Variants in PLCB1 observed in about 807,000 individuals in gnomAD.
The protein encoded by PLCB1 is 1-phosphatidylinositol 4,5-bisphosphate phosphodiesterase beta-1.
In PLCB1, 46 loss-of-function variants were observed where a neutral mutation model predicts 161.8. The ratio of observed to expected loss-of-function variants is 0.28; its 90% CI spans 0.22 to 0.36. PLCB1 has a LOEUF of 0.36. Ranked by LOEUF, PLCB1 falls within the 10% of genes least tolerant of loss-of-function variation. PLCB1 has a pLI of 1.00. For synonymous variants in PLCB1, 517 were observed against 503.7 expected, an observed-to-expected ratio of 1.03 and a Z score of -0.35; for missense variants, 1,016 against 1,472.5, an observed-to-expected ratio of 0.69 and a Z score of 5.07.
chr20:8,255,811 G>C (rs1981379347), intron 2 of PLCB1, among the ~76,000 whole-genome samples: 1 of 151,744 alleles, frequency 6.6e-6, no homozygotes, highest in African/African-American at 2.4e-5. Context: ...AAATATTCTG[G>C]GGGTTATTTT....
At chr20:8,490,089 C>T (rs1373063332) in intron 3 of PLCB1, among the ~76,000 whole-genome samples, 1 of 152,134 alleles carries the variant, frequency 6.6e-6, no homozygotes, top group Non-Finnish European at 1.5e-5. Flanking sequence ...TCATATTTGT[C>T]AAAATATTTG....
At chr20:8,319,651 C>T (rs753345529) in intron 2 of PLCB1, among the ~76,000 whole-genome samples, 18 of 152,036 alleles carry the variant, frequency 1.2e-4, no homozygotes, top group Non-Finnish European at 2.2e-4. Context: ...TATTCACAAG[C>T]TGACTTGGAA....
rs1341193898 is a variant in PLCB1, at chr20:8,147,851, C to CCTAAAT, written c.100-2442_100-2437dup. On this transcript the variant is annotated intron_variant, in intron 1 of 31. Transcript: ENST00000338037. Reference sequence around the variant, plus strand: ...AAACTAGGCAGCATAGAACAGTGTTCCTAAATATAAATTTTGAAAAGTTTT... The same window carrying CCTAAAT: ...AAACTAGGCAGCATAGAACAGTGTTCCTAAATCTAAATATAAATTTTGAAAAGTTTT... Among the ~76,000 whole-genome samples the CCTAAAT allele has an allele frequency of 4.6e-5, 7 of 151,198 alleles. No individual in the cohort carries two copies. In the Admixed American group the frequency reaches 4.6e-4, roughly 10 times the overall value.
chr20:8,568,746 A>G (rs6086504), intron 3 of PLCB1, among the ~76,000 whole-genome samples: 45,545 of 151,978 alleles, frequency 0.3, 7,490 homozygotes, highest in Non-Finnish European at 0.37. Context: ...CACTAAAGTA[A>G]ATCTCATTTG....
At chr20:8,269,260 G>A (rs577455974) in intron 2 of PLCB1, among the ~76,000 whole-genome samples, 1 of 151,956 alleles carries the variant, frequency 6.6e-6, no homozygotes, top group Non-Finnish European at 1.5e-5. Context: ...ACAGGCCCCG[G>A]TCTGTGATGT....
intron 31 of PLCB1, among the ~76,000 whole-genome samples, chr20:8,800,151 G>A (rs1056159844): frequency 3.9e-5 from 6 of 152,204 alleles, no homozygotes; most frequent in Admixed American, 2.6e-4. Context: ...GAGGGCAAAT[G>A]CAGGCATACT....
rs2122343551 is a variant in PLCB1, at chr20:8,371,393, A to G, written c.189A>G (p.Leu63=). ...TTTTTGCCTTCCAGGAGACAGAGCTACTGGATCTCAGCCTTGTCAAAGATG... is the reference window on the plus strand; with the variant it reads ...TTTTTGCCTTCCAGGAGACAGAGCTGCTGGATCTCAGCCTTGTCAAAGATG... ...YWTDQNKETE[L]LDLSLVKDAR... Residue 63 remains leucine, a synonymous_variant, in exon 3 of 32, where the codon CTA becomes CTG. Transcript: ENST00000338037. 1.2e-6 allele frequency: 2 copies of G among 1,612,676 alleles called. No individual in the cohort carries two copies. Among genetic ancestry groups the G allele is most frequent in the South Asian group, 2.2e-5 (2 of 90,942 alleles).
At chr20:8,165,829 A>G (rs1239999089) in intron 2 of PLCB1, among the ~76,000 whole-genome samples, 3 of 152,122 alleles carry the variant, frequency 2.0e-5, no homozygotes, top group Admixed American at 6.6e-5. Flanking sequence ...TACTCTTAGC[A>G]GTTTATGTGA....
At chr20:8,694,607 A>G (rs1252293340) in intron 10 of PLCB1, among the ~76,000 whole-genome samples, 1 of 152,218 alleles carries the variant, frequency 6.6e-6, no homozygotes, top group Admixed American at 6.5e-5. Context: ...TGAACCTCTT[A>G]TTACAGAATG....
intron 3 of PLCB1, among the ~76,000 whole-genome samples, chr20:8,571,080 G>T (rs1039051203): frequency 4.6e-5 from 7 of 152,358 alleles, no homozygotes; most frequent in African/African-American, 7.2e-5. Flanking sequence ...ATGTAAAACT[G>T]TGGAGACAAT....
intron 3 of PLCB1, among the ~76,000 whole-genome samples, chr20:8,553,971 C>T (rs1985864116): frequency 6.6e-6 from 1 of 151,944 alleles, no homozygotes; most frequent in African/African-American, 2.4e-5. Context: ...TACTGTTCTC[C>T]AGCCTGGGCA....
rs940475961 is a variant in PLCB1 at position 8,370,807 on chromosome 20, G to T, written c.178-575G>T. ...TTTGATGACAGGTCCATCCAGGAAA[G>T]CAATCATATCTTCTATGCCTTATTC... is the stretch of plus-strand genomic sequence containing the variant. On this transcript the variant is annotated intron_variant, in intron 2 of 31. Transcript: ENST00000338037. Among the ~76,000 whole-genome samples, 4 of 152,166 alleles carry T rather than the reference G, an allele frequency of 2.6e-5. No individual in the cohort carries two copies. In the East Asian group the frequency reaches 7.7e-4, roughly 29 times the overall value.
chr20:8,203,705 A>G (rs1978367163), intron 2 of PLCB1, among the ~76,000 whole-genome samples: 1 of 152,174 alleles, frequency 6.6e-6, no homozygotes. Flanking sequence ...GATAAGTGAG[A>G]TGCAGGGAGA....
chr20:8,607,832 T>C (rs1163869860), intron 3 of PLCB1, among the ~76,000 whole-genome samples: 2 of 152,216 alleles, frequency 1.3e-5, no homozygotes, highest in African/African-American at 2.4e-5. Flanking sequence ...ATAGTCAGAA[T>C]GATTTTAAAA....
In PLCB1 at chr20:8,411,777, G is replaced by A. The variant is rs575640107; in HGVS notation, c.246+40327G>A. On this transcript the variant is annotated intron_variant, in intron 3 of 31. Transcript: ENST00000338037. ...GGTGGCTCACTCCTGAAGTCCCAGC[G>A]CTTTGGGAGGCCAAGGCCAGTGGAT... Among the ~76,000 whole-genome samples the A allele has an allele frequency of 7.2e-5, 11 of 152,226 alleles. No individual in the cohort carries two copies. In the East Asian group the frequency reaches 1.2e-3, roughly 16 times the overall value.
At chr20:8,258,062 C>G (rs1234053034) in intron 2 of PLCB1, among the ~76,000 whole-genome samples, 1 of 152,074 alleles carries the variant, frequency 6.6e-6, no homozygotes. Context: ...TAGATTTACT[C>G]AAGTTTACAC....
At chr20:8,435,930 A>G (rs1980280308) in intron 3 of PLCB1, among the ~76,000 whole-genome samples, 3 of 152,204 alleles carry the variant, frequency 2.0e-5, no homozygotes, top group Admixed American at 2.0e-4. Context: ...AGGCATCTTT[A>G]AGGATAGATT....
At chr20:8,650,577 A>G (rs921633250) in intron 7 of PLCB1, among the ~76,000 whole-genome samples, 3 of 152,126 alleles carry the variant, frequency 2.0e-5, no homozygotes, top group African/African-American at 7.2e-5. Context: ...ATTTTCTTCT[A>G]CCCTACCACT....
chr20:8,768,598 TGTGAAGTAA>T (rs1982499976), intron 26 of PLCB1, among the ~76,000 whole-genome samples: 1 of 152,222 alleles, frequency 6.6e-6, no homozygotes, highest in Non-Finnish European at 1.5e-5. Flanking sequence ...ACAGCAGCAC[TGTGAAGTAA>T]GTACAGGCAT....
Sources: gnomAD v4.1 joint callset for allele counts (sites outside exome capture counted in the v4.1 genomes callset) on GRCh38, gnomAD v4.1.1 for gene constraint, MANE v1.5 for transcripts, NCBI Gene and HGNC (gene_info 2026-07-23, HGNC 2026-07-21) for gene names.